IMMP2L: variants seen among roughly 807,000 people sequenced by gnomAD.
IMMP2L encodes the protein inner mitochondrial membrane peptidase subunit 2.
IMMP2L carries 18 observed loss-of-function variants against 19.3 expected under a neutral mutation model. The observed-to-expected ratio is 0.93, with a 90% CI of 0.64 to 1.38. The LOEUF is 1.38. IMMP2L is among the 40% of genes most tolerant of loss of function. The pLI, the probability that IMMP2L is intolerant of heterozygous loss-of-function variation, is 0.00. For synonymous variants in IMMP2L, 76 were observed against 73.0 expected, an observed-to-expected ratio of 1.04 and a Z score of -0.21; for missense variants, 233 against 218.2, an observed-to-expected ratio of 1.07 and a Z score of -0.43.
intron 4 of IMMP2L, among the ~76,000 whole-genome samples, chr7:110,954,967 A>G (rs1279547194): frequency 6.6e-6 from 1 of 152,052 alleles, no homozygotes; most frequent in Non-Finnish European, 1.5e-5. Context: ...CGTATGCCCT[A>G]TGTTTGATGT....
chr7:111,161,250 T>C (rs148480177), intron 3 of IMMP2L, among the ~76,000 whole-genome samples: 55 of 151,952 alleles, frequency 3.6e-4, no homozygotes, highest in Non-Finnish European at 4.7e-4. Flanking sequence ...ATGAAGTCAA[T>C]ATAGCTTTGA....
At chr7:111,200,738 ACT>A (rs1454414952) in intron 3 of IMMP2L, among the ~76,000 whole-genome samples, 1 of 152,140 alleles carries the variant, frequency 6.6e-6, no homozygotes, top group Non-Finnish European at 1.5e-5. Context: ...AAAGCAATCA[ACT>A]CTGCCCTGGC....
At chr7:111,054,432 T>C (rs1350511053) in intron 3 of IMMP2L, among the ~76,000 whole-genome samples, 1 of 152,150 alleles carries the variant, frequency 6.6e-6, no homozygotes, top group Non-Finnish European at 1.5e-5. Context: ...ATTAAACCAT[T>C]TGCAGTCTTT....
At chr7:111,531,052 C>T (rs761144547) in intron 1 of IMMP2L, among the ~76,000 whole-genome samples, 17 of 151,432 alleles carry the variant, frequency 1.1e-4, no homozygotes, top group East Asian at 3.9e-4. Flanking sequence ...CCCGGGTTCA[C>T]GCCATCCTCC....
At chr7:111,225,930 C>T (rs1387963848) in intron 3 of IMMP2L, among the ~76,000 whole-genome samples, 1 of 152,152 alleles carries the variant, frequency 6.6e-6, no homozygotes, top group Non-Finnish European at 1.5e-5. Flanking sequence ...AGCATCTCCC[C>T]TCCTGTACCC....
intron 5 of IMMP2L, among the ~76,000 whole-genome samples, chr7:110,827,065 G>T (rs978266352): frequency 6.6e-6 from 1 of 152,010 alleles, no homozygotes; most frequent in African/African-American, 2.4e-5. Context: ...TGCCAGTATT[G>T]ACAGAGTAAA....
At chr7:111,386,078 C>T (rs553741705) in intron 3 of IMMP2L, among the ~76,000 whole-genome samples, 21 of 151,830 alleles carry the variant, frequency 1.4e-4, no homozygotes, top group Admixed American at 1.2e-3. Context: ...GGGTCTCGCT[C>T]TGTTGTCCAG....
At position 111,211,381 on chromosome 7, in the gene IMMP2L, A is replaced by G. The variant is rs1811290922; in HGVS notation, c.240-247816T>C. 2.0e-5 allele frequency among the ~76,000 whole-genome samples: 3 copies of G among 152,338 alleles called. No homozygotes were observed. The South Asian group carries it at 6.2e-4, about 32-fold the overall frequency. On this transcript the variant is annotated intron_variant, in intron 3 of 5. Transcript: ENST00000405709. ...GAAAGAGAGACGAAAATGAAGAAAA[A>G]AAAGGAAAGACATAAGAAAGACACT...
At chr7:110,761,441 A>G (rs1798344767) in intron 5 of IMMP2L, among the ~76,000 whole-genome samples, 1 of 152,140 alleles carries the variant, frequency 6.6e-6, no homozygotes, top group Non-Finnish European at 1.5e-5. Flanking sequence ...TAGGCTGGTT[A>G]TAAGAAATCA....
intron 3 of IMMP2L, among the ~76,000 whole-genome samples, chr7:110,981,601 T>C (rs1051459130): frequency 2.6e-5 from 4 of 152,154 alleles, no homozygotes; most frequent in South Asian, 2.1e-4. Context: ...TAAGTAGTGT[T>C]TGAGAGTTGA....
chr7:111,165,342 C>T lies in IMMP2L; in HGVS notation c.240-201777G>A, dbSNP rs1002323067. Among the ~76,000 whole-genome samples, 4 of 152,046 alleles carry T rather than the reference C, an allele frequency of 2.6e-5. 1 individual carries two copies. Among genetic ancestry groups the T allele is most frequent in the Admixed American group, 2.0e-4 (3 of 15,246 alleles). On this transcript the variant is annotated intron_variant, in intron 3 of 5. Coordinates refer to ENST00000405709, the MANE Select transcript of IMMP2L (RefSeq NM_032549.4). ...CATCTGTCAATGGATATTTGGGTTG[C>T]TTCTGCATTTTGGCGATTCTGAATA...
In IMMP2L at chr7:110,932,878, C is replaced by T. The variant is rs138720499; in HGVS notation, c.305+30622G>A. Among the ~76,000 whole-genome samples the T allele has an allele frequency of 2.7e-4, 41 of 152,192 alleles. No individual in the cohort carries two copies. The East Asian group carries it at 6.2e-3, about 23-fold the overall frequency. On this transcript the variant is annotated intron_variant, in intron 4 of 5. Coordinates refer to ENST00000405709, the MANE Select transcript of IMMP2L (RefSeq NM_032549.4). The stretch of plus-strand genomic sequence containing the variant: ...TTCCATGTTGCCTTTCTGGAGAATG[C>T]AATAGAATTTGCGAGCATGATATAT...
intron 3 of IMMP2L, among the ~76,000 whole-genome samples, chr7:111,119,517 T>A (rs1379104118): frequency 6.6e-6 from 1 of 152,248 alleles, no homozygotes; most frequent in Admixed American, 6.5e-5. Context: ...TCTCTTAAAG[T>A]CTAACATTCC....
intron 5 of IMMP2L, among the ~76,000 whole-genome samples, chr7:110,858,607 TTTATTA>T (rs2129542456): frequency 6.6e-6 from 1 of 152,132 alleles, no homozygotes; most frequent in African/African-American, 2.4e-5. Flanking sequence ...TTTATTTTAT[TTTATTA>T]TTATTATACT....
chr7:111,415,566 T>C (rs1172071844), intron 3 of IMMP2L, among the ~76,000 whole-genome samples: 1 of 151,830 alleles, frequency 6.6e-6, no homozygotes, highest in East Asian at 1.9e-4. Context: ...AAGAAGACAT[T>C]TTGGAATTTT....
chr7:111,554,044 T>A (rs1790978229), intron 1 of IMMP2L, among the ~76,000 whole-genome samples: 1 of 152,098 alleles, frequency 6.6e-6, no homozygotes, highest in Non-Finnish European at 1.5e-5. Context: ...AATTCAAGAA[T>A]CTAATCTACA....
At chr7:110,717,500 T>C (rs1395520090) in intron 5 of IMMP2L, among the ~76,000 whole-genome samples, 4 of 151,750 alleles carry the variant, frequency 2.6e-5, no homozygotes, top group Non-Finnish European at 5.9e-5. Context: ...CAAAAACAAC[T>C]CAAAGTGTAA....
At chr7:111,351,796 A>T (rs1828192523) in intron 3 of IMMP2L, among the ~76,000 whole-genome samples, 1 of 152,152 alleles carries the variant, frequency 6.6e-6, no homozygotes, top group African/African-American at 2.4e-5. Flanking sequence ...TGTCCATCTC[A>T]ATTTCATAAA....
chr7:110,836,440 A>G lies in IMMP2L; in HGVS notation c.408+50153T>C, dbSNP rs150639483. ...TCCTGTGCTGTTCTTGTGACAGTAA[A>G]TAAGTCTCACGAATCTGATGGTTTT... On this transcript the variant is annotated intron_variant, in intron 5 of 5. Transcript: ENST00000405709. Among the ~76,000 whole-genome samples, 1,014 of 152,242 alleles carry G rather than the reference A, an allele frequency of 6.7e-3. 8 individuals are homozygous for G. Among genetic ancestry groups the G allele is most frequent in the Non-Finnish European group, 8.6e-3 (585 of 68,016 alleles).
Sources: gnomAD v4.1 joint callset for allele counts (sites outside exome capture counted in the v4.1 genomes callset) on GRCh38, gnomAD v4.1.1 for gene constraint, MANE v1.5 for transcripts, NCBI Gene and HGNC (gene_info 2026-07-23, HGNC 2026-07-21) for gene names.